LAMA1: variants seen among roughly 807,000 people sequenced by gnomAD.
LAMA1 encodes laminin subunit alpha-1.
Under a neutral mutation model 348.7 loss-of-function variants are expected in LAMA1, and 219 were observed. The ratio of observed to expected loss-of-function variants is 0.63; its 90% CI spans 0.56 to 0.70. The LOEUF (loss-of-function observed/expected upper bound fraction) is 0.70. Ranked by LOEUF, LAMA1 falls within the 30% of genes least tolerant of loss-of-function variation. LAMA1 has a pLI of 0.00. For synonymous variants in LAMA1, 1,487 were observed against 1,491.0 expected (o/e 1.00, Z 0.06); for missense variants, 3,744 against 3,888.0 (o/e 0.96, Z 0.99).
chr18:6,978,515 CTGTT>C (rs1047704635), intron 42 of LAMA1, 137 bp from the exon 43 acceptor site: 12 of 870,350 alleles, frequency 1.4e-5, no homozygotes, highest in Admixed American at 4.8e-5. Flanking sequence ...TGAGGCTTGT[CTGTT>C]TGCTTTTTTT....
chr18:6,982,997 G>C, intron 40 of LAMA1, 102 bp downstream of exon 40: 1 of 1,451,186 alleles, frequency 6.9e-7, no homozygotes, highest in East Asian at 2.3e-5. Context: ...CACCAGAAAA[G>C]AATGTTAATA....
At position 6,944,536 on chromosome 18, in the gene LAMA1, TAAGTA is replaced by T. The variant is rs532531643; in HGVS notation, c.8845-1139_8845-1135del. Among the ~76,000 whole-genome samples the T allele has an allele frequency of 1.5e-3, 232 of 152,238 alleles. 1 individual carries two copies. Among genetic ancestry groups the T allele is most frequent in the African/African-American group, 5.5e-3 (228 of 41,532 alleles). On this transcript the variant is annotated intron_variant, in intron 61 of 62. Coordinates refer to ENST00000389658, the MANE Select transcript of LAMA1 (RefSeq NM_005559.4). ...AAGATGGAGCTTTTAAAGAGGTAAT[TAAGTA>T]AAGATGAGTGACTAGGGTGGCCCTC...
rs2058187476 is a variant in LAMA1 at position 7,080,232 on chromosome 18, T to A, written c.232+55A>T. On this transcript the variant is annotated intron_variant, in intron 2 of 62. Transcript: ENST00000389658. Reference sequence around the variant, plus strand: ...TTCCTAACAGAAGTCTCAGTCCTCATTTCACAAAGTGTACATTCCCATGGG... The same window carrying A: ...TTCCTAACAGAAGTCTCAGTCCTCAATTCACAAAGTGTACATTCCCATGGG... 27 of 1,611,846 alleles carry A rather than the reference T, an allele frequency of 1.7e-5. No individual in the cohort carries two copies. The South Asian group carries it at 2.7e-4, about 16-fold the overall frequency.
In LAMA1 at chr18:6,950,433, C is replaced by G. The variant is rs1293277531; in HGVS notation, c.8397+349G>C. ...ACAGGCACAGGTAAAGCGTGCTGCACACCAGAAAGTGCTCCAGAGTTCCGG... is the reference window on the plus strand; with the variant it reads ...ACAGGCACAGGTAAAGCGTGCTGCAGACCAGAAAGTGCTCCAGAGTTCCGG... On this transcript the variant is annotated intron_variant, in intron 58 of 62. Transcript: ENST00000389658. Among the ~76,000 whole-genome samples, 5 of 152,230 alleles carry G rather than the reference C, an allele frequency of 3.3e-5. No individual in the cohort carries two copies. In the South Asian group the frequency reaches 1.0e-3, roughly 32 times the overall value.
intron 42 of LAMA1, among the ~76,000 whole-genome samples, chr18:6,979,746 A>AC (rs1402608681): frequency 6.6e-6 from 1 of 151,908 alleles, no homozygotes; most frequent in East Asian, 1.9e-4. Flanking sequence ...AAAAATACAA[A>AC]AAATTAGCCG....
intron 3 of LAMA1, among the ~76,000 whole-genome samples, chr18:7,052,235 C>T (rs550224434): frequency 3.9e-4 from 59 of 151,846 alleles, no homozygotes; most frequent in African/African-American, 1.3e-3. Flanking sequence ...TTGAGAACAC[C>T]CAGGGGCAAC....
At chr18:7,005,127 C>T (rs553301737) in intron 29 of LAMA1, among the ~76,000 whole-genome samples, 1 of 152,318 alleles carries the variant, frequency 6.6e-6, no homozygotes, top group South Asian at 2.1e-4. Flanking sequence ...TCCATCTGGC[C>T]TCCAGGCATG....
intron 3 of LAMA1, among the ~76,000 whole-genome samples, chr18:7,052,421 ACT>A (rs1467553238): frequency 3.4e-5 from 5 of 148,918 alleles, no homozygotes; most frequent in Non-Finnish European, 7.4e-5. Flanking sequence ...ACAGAGTGAG[ACT>A]CTGTATCAAA....
intron 5 of LAMA1, among the ~76,000 whole-genome samples, chr18:7,046,648 A>G (rs992717165): frequency 6.6e-6 from 1 of 152,208 alleles, no homozygotes; most frequent in African/African-American, 2.4e-5. Context: ...CTCATTATTG[A>G]AAACCGTAAA....
intron 1 of LAMA1, among the ~76,000 whole-genome samples, chr18:7,085,624 T>C (rs1330553294): frequency 1.3e-5 from 2 of 152,046 alleles, no homozygotes; most frequent in African/African-American, 2.4e-5. Flanking sequence ...TTCACCACGT[T>C]AGCCAGGATG....
At chr18:7,079,138 T>C (rs1248939720) in intron 3 of LAMA1, among the ~76,000 whole-genome samples, 1 of 152,190 alleles carries the variant, frequency 6.6e-6, no homozygotes, top group East Asian at 1.9e-4. Context: ...TTTTAACCGA[T>C]CTCATATTTT....
intron 42 of LAMA1, among the ~76,000 whole-genome samples, chr18:6,978,714 T>A (rs1397589707): frequency 1.3e-5 from 2 of 152,230 alleles, no homozygotes; most frequent in Non-Finnish European, 2.9e-5. Context: ...CTGTGTGAGC[T>A]GTGTCTTACA....
chr18:6,980,290 T>C (rs1403494241), intron 42 of LAMA1, among the ~76,000 whole-genome samples: 1 of 152,184 alleles, frequency 6.6e-6, no homozygotes, highest in Admixed American at 6.5e-5. Flanking sequence ...GCAGTCTCTG[T>C]TTTTAAGACT....
intron 1 of LAMA1, among the ~76,000 whole-genome samples, chr18:7,096,799 C>T (rs2058263067): frequency 6.6e-6 from 1 of 152,188 alleles, no homozygotes; most frequent in African/African-American, 2.4e-5. Flanking sequence ...TTTTCAAAAG[C>T]AACCATTTCA....
Position 7,038,885 on chromosome 18 carries a change from G to A in LAMA1, c.1488C>T (p.Asn496=), listed in dbSNP as rs781121049. ...KPGFYNLKEK[N]PRGCSECFCF... is the part of the protein sequence containing the mutation. ...AGAAGCACTCGGAGCAGCCCCGGGG[G>A]TTTTTTTCCTTCAAGTTATAGAATC... Residue 496 remains asparagine, a synonymous_variant, in exon 11 of 63, where the codon AAC becomes AAT. Coordinates refer to ENST00000389658, the MANE Select transcript of LAMA1 (RefSeq NM_005559.4). 3 of 1,614,038 alleles carry A rather than the reference G, an allele frequency of 1.9e-6. No individual in the cohort carries two copies. Among genetic ancestry groups the A allele is most frequent in the Non-Finnish European group, 2.5e-6 (3 of 1,179,910 alleles).
intron 42 of LAMA1, among the ~76,000 whole-genome samples, chr18:6,978,926 A>G (rs1335493041): frequency 1.3e-5 from 2 of 152,238 alleles, no homozygotes; most frequent in Non-Finnish European, 2.9e-5. Context: ...ACAGCAGAAT[A>G]AAGCCCAAAC....
chr18:7,091,251 C>T (rs888763891), intron 1 of LAMA1, among the ~76,000 whole-genome samples: 2 of 152,194 alleles, frequency 1.3e-5, no homozygotes, highest in African/African-American at 4.8e-5. Context: ...CACAATAGCA[C>T]CACAATATGC....
chr18:7,044,875 T>C lies in LAMA1; in HGVS notation c.859-36A>G, dbSNP rs369937563. On this transcript the variant is annotated intron_variant, in intron 6 of 62. Transcript: ENST00000389658. Reference sequence around the variant, plus strand: ...AGGAAGCCAAAACTGAATTAGAAAATGTATCTGCTTATGTTTCTTAATTTC... The same window carrying C: ...AGGAAGCCAAAACTGAATTAGAAAACGTATCTGCTTATGTTTCTTAATTTC... 4.4e-5 allele frequency: 62 copies of C among 1,417,234 alleles called. No individual in the cohort carries two copies. In the African/African-American group the frequency reaches 6.4e-4, roughly 15 times the overall value. 87.8% of individuals were successfully genotyped at this position (1,417,234 alleles called of 1,614,324 possible).
intron 3 of LAMA1, among the ~76,000 whole-genome samples, chr18:7,070,242 T>C (rs528375936): frequency 1.0e-3 from 153 of 152,282 alleles, no homozygotes; most frequent in African/African-American, 3.4e-3. Flanking sequence ...GAGGCCAGTA[T>C]GAAGTAATAG....
Sources: gnomAD v4.1 joint callset for allele counts (sites outside exome capture counted in the v4.1 genomes callset) on GRCh38, gnomAD v4.1.1 for gene constraint, MANE v1.5 for transcripts, NCBI Gene and HGNC (gene_info 2026-07-23, HGNC 2026-07-21) for gene names.